The following UGT1A3 variants were observed in gnomAD, a reference collection of about 807,000 sequenced individuals.
UGT1A3 encodes UDP glucuronosyltransferase family 1 member A3, also known as UDP-glucuronosyltransferase 1A3.
In UGT1A3, 31 loss-of-function variants were observed where a neutral mutation model predicts 41.0. That is an observed-to-expected ratio of 0.76 (90% CI 0.57 to 1.02). UGT1A3 has a LOEUF of 1.02. Ranked by LOEUF, UGT1A3 falls within the 50% of genes least tolerant of loss-of-function variation. UGT1A3 has a pLI of 0.00. For missense variants in UGT1A3, 737 were observed against 671.0 expected, an observed-to-expected ratio of 1.10 and a Z score of -1.09; for synonymous variants, 262 against 257.6, an observed-to-expected ratio of 1.02 and a Z score of -0.17.
At chr2:233,743,042 G>GTT in intron 1 of UGT1A3, 1 of 311,812 alleles carries the variant, frequency 3.2e-6, no homozygotes, top group Non-Finnish European at 6.3e-6. Context: ...GGTCCTATCC[G>GTT]TGTAGTCCCA....
intron 1 of UGT1A3, chr2:233,743,777 T>C (rs1692497212): frequency 7.3e-7 from 1 of 1,367,292 alleles, no homozygotes; most frequent in Admixed American, 1.9e-5. Flanking sequence ...GGCCACCTGC[T>C]TGAATCTCCT....
chr2:233,769,741 GCCACTC>G lies in UGT1A3; in HGVS notation c.1307+1303_1307+1308del. The G allele has an allele frequency of 6.9e-7, 1 of 1,452,214 alleles. No individual in the cohort carries two copies. Among genetic ancestry groups the G allele is most frequent in the Non-Finnish European group, 9.1e-7 (1 of 1,101,348 alleles). 90.0% of individuals were successfully genotyped at this position (1,452,214 alleles called of 1,614,324 possible). On this transcript the variant is annotated intron_variant, in intron 4 of 4. Coordinates refer to ENST00000482026, the MANE Select transcript of UGT1A3 (RefSeq NM_019093.4). The surrounding 1 kb of genome is among the most constrained non-coding windows in gnomAD (Gnocchi z 4.4). ...ACCATGGCACACGCCTGTAGTCCCA[GCCACTC>G]TGGAGGCTAAGGCGGGAGGATTGCT... is the stretch of plus-strand genomic sequence containing the variant.
At position 233,748,684 on chromosome 2, in the gene UGT1A3, A is replaced by C. The variant is rs576819549; in HGVS notation, c.868-18350A>C. On this transcript the variant is annotated intron_variant, in intron 1 of 4. Transcript: ENST00000482026. ...TCCAGAGAGGGATCTGTGCTGACAA[A>C]AGATTTTTCTGGTCAGGATTTGGGG... Among the ~76,000 whole-genome samples, 46 of 151,796 alleles carry C rather than the reference A, an allele frequency of 3.0e-4. 1 individual carries two copies. Among genetic ancestry groups the C allele is most frequent in the Non-Finnish European group, 4.4e-4 (30 of 68,030 alleles).
In UGT1A3 at chr2:233,739,290, C is replaced by A. The variant is rs1363558012; in HGVS notation, c.867+9297C>A. On this transcript the variant is annotated intron_variant, in intron 1 of 4. Transcript: ENST00000482026. ...TTGGAGCCCCCACACAGAGTCTCCACTGGGGCACTGCCTAGTGGAGTTGTG... is the reference window on the plus strand; with the variant it reads ...TTGGAGCCCCCACACAGAGTCTCCAATGGGGCACTGCCTAGTGGAGTTGTG... Among the ~76,000 whole-genome samples, 3 of 152,214 alleles carry A rather than the reference C, an allele frequency of 2.0e-5. No homozygotes were observed. In the East Asian group the frequency reaches 5.8e-4, roughly 29 times the overall value.
intron 1 of UGT1A3, among the ~76,000 whole-genome samples, chr2:233,740,072 C>T (rs1243642883): frequency 1.3e-5 from 2 of 151,828 alleles, no homozygotes; most frequent in Admixed American, 1.3e-4. Flanking sequence ...CTTTTCCTCT[C>T]TGTCTCTCGC....
rs143068136 is a variant in UGT1A3, at chr2:233,729,582, C to A, written c.456C>A (p.Asp152Glu). 355 of 1,613,964 alleles carry A rather than the reference C, an allele frequency of 2.2e-4. No individual in the cohort carries two copies. The highest frequency in any genetic ancestry group is 3.3e-4 in the Middle Eastern group (2 of 6,080). The change falls in exon 1 of 5, where the codon GAC (aspartate) becomes GAA (glutamate). Residue 152 changes from aspartate (D) to glutamate (E), a missense_variant. Physicochemically the swap from Asp to Glu is conservative, Grantham distance 45. Coordinates refer to ENST00000482026, the MANE Select transcript of UGT1A3 (RefSeq NM_019093.4). ...NATSFDVVLT[D>E]PVNLCAAVLA... The stretch of plus-strand genomic sequence containing the variant: ...CTTCCTTTGATGTGGTTTTAACAGA[C>A]CCCGTTAACCTCTGCGCGGCAGTGC...
Position 233,757,333 on chromosome 2 carries a change from C to A in UGT1A3, c.868-9701C>A, listed in dbSNP as rs574658157. Among the ~76,000 whole-genome samples the A allele has an allele frequency of 8.6e-4, 129 of 150,728 alleles. 1 individual carries two copies. Among genetic ancestry groups the A allele is most frequent in the African/African-American group, 3.1e-3 (127 of 40,864 alleles). ...GGGGGCTGGGGCCCTGAAATGGGAC[C>A]ATGACAGCTGGGTCTGAGAGACAGT... On this transcript the variant is annotated intron_variant, in intron 1 of 4. Coordinates refer to ENST00000482026, the MANE Select transcript of UGT1A3 (RefSeq NM_019093.4).
At chr2:233,758,568 A>G (rs1462095231) in intron 1 of UGT1A3, among the ~76,000 whole-genome samples, 1 of 152,230 alleles carries the variant, frequency 6.6e-6, no homozygotes, top group Non-Finnish European at 1.5e-5. Context: ...TTGGTCCTAA[A>G]AAATGAAGAG....
chr2:233,769,742 C>A lies in UGT1A3; in HGVS notation c.1307+1303C>A, dbSNP rs2126047976. 6.9e-7 allele frequency: 1 copy of A among 1,450,742 alleles called. No individual in the cohort carries two copies. Among genetic ancestry groups the A allele is most frequent in the Non-Finnish European group, 9.1e-7 (1 of 1,100,114 alleles). The allele number at this position is 1,450,742 out of a possible 1,614,324, so 89.9% of individuals were successfully genotyped here. ...CCATGGCACACGCCTGTAGTCCCAG[C>A]CACTCTGGAGGCTAAGGCGGGAGGA... On this transcript the variant is annotated intron_variant, in intron 4 of 4. Coordinates refer to ENST00000482026, the MANE Select transcript of UGT1A3 (RefSeq NM_019093.4). This position sits in a 1 kb window ranked among gnomAD's most constrained non-coding sequence, Gnocchi z 4.4.
rs190865559 is a variant in UGT1A3 at position 233,744,424 on chromosome 2, A to G, written c.867+14431A>G. 3.3e-5 allele frequency among the ~76,000 whole-genome samples: 5 copies of G among 151,988 alleles called. No individual in the cohort carries two copies. The East Asian group carries it at 9.6e-4, about 29-fold the overall frequency. On this transcript the variant is annotated intron_variant, in intron 1 of 4. Coordinates refer to ENST00000482026, the MANE Select transcript of UGT1A3 (RefSeq NM_019093.4). ...CCATTTGCTTTTGTTCATGTGGATT[A>G]TATCTATCATACGTACTGCATTAGA...
chr2:233,738,458 G>A (rs1690791213), intron 1 of UGT1A3, among the ~76,000 whole-genome samples: 1 of 152,228 alleles, frequency 6.6e-6, no homozygotes, highest in South Asian at 2.1e-4. Context: ...GAAGATGTGG[G>A]AAAGTTTGGA....
intron 1 of UGT1A3, among the ~76,000 whole-genome samples, chr2:233,730,760 A>T (rs890717703): frequency 1.3e-5 from 2 of 152,118 alleles, no homozygotes; most frequent in Non-Finnish European, 1.5e-5. Flanking sequence ...TAAGACTGTG[A>T]ATCTATAAGC....
At chr2:233,741,039 A>T (rs1218134872) in intron 1 of UGT1A3, among the ~76,000 whole-genome samples, 1 of 151,820 alleles carries the variant, frequency 6.6e-6, no homozygotes, top group African/African-American at 2.4e-5. Context: ...GTAAGCTATG[A>T]TCTTGCCTAG....
intron 1 of UGT1A3, chr2:233,743,951 A>T: frequency 7.4e-7 from 1 of 1,344,342 alleles, no homozygotes; most frequent in Non-Finnish European, 9.9e-7. Flanking sequence ...AGGCACTGGC[A>T]CAGCGAGCGG....
intron 1 of UGT1A3, among the ~76,000 whole-genome samples, chr2:233,762,788 C>T (rs553369718): frequency 6.6e-6 from 1 of 151,422 alleles, no homozygotes; most frequent in East Asian, 1.9e-4. Context: ...ATTATCTACT[C>T]ATTACTCAGC....
At chr2:233,740,990 G>A (rs1192365077) in intron 1 of UGT1A3, 1 of 151,728 alleles carries the variant, frequency 6.6e-6, no homozygotes, top group East Asian at 1.9e-4. Context: ...GGAATGCTGA[G>A]GAGGAAGGAT....
chr2:233,741,547 T>G (rs4663963), intron 1 of UGT1A3: 82,548 of 151,614 alleles, frequency 0.54, 24,567 homozygotes, highest in African/African-American at 0.79. Flanking sequence ...GATACTTCTT[T>G]TATGGTTATT....
Position 233,767,926 on chromosome 2 carries a change from C to T in UGT1A3, c.1077C>T (p.Asn359=). 5.6e-6 allele frequency: 9 copies of T among 1,614,196 alleles called. No homozygotes were observed. Among genetic ancestry groups the T allele is most frequent in the South Asian group, 1.1e-5 (1 of 91,082 alleles). The change falls in exon 3 of 5, where the codon AAC becomes AAT. Residue 359 remains asparagine, a synonymous_variant. Coordinates refer to ENST00000482026, the MANE Select transcript of UGT1A3 (RefSeq NM_019093.4). The part of the protein sequence containing the change: ...NTILVKWLPQ[N]DLLGHPMTRA... The stretch of plus-strand genomic sequence containing the variant: ...TACTTGTTAAGTGGCTACCCCAAAA[C>T]GATCTGCTTGGTATGTTGGGCGGAT...
chr2:233,752,761 A>G (rs1341964292), intron 1 of UGT1A3, among the ~76,000 whole-genome samples: 3 of 152,266 alleles, frequency 2.0e-5, no homozygotes, highest in African/African-American at 7.2e-5. Context: ...AAACAAACAA[A>G]CAAACAAACA....
Sources: gnomAD v4.1 joint callset for allele counts (sites outside exome capture counted in the v4.1 genomes callset) on GRCh38, gnomAD v4.1.1 for gene constraint, Gnocchi (gnomAD v3.1) non-coding constraint, MANE v1.5 for transcripts, NCBI Gene and HGNC (gene_info 2026-07-23, HGNC 2026-07-21) for gene names.